ALDH7A1: variants seen among roughly 807,000 people sequenced by gnomAD.
ALDH7A1 encodes the protein aldehyde dehydrogenase 7 family member A1.
ALDH7A1 carries 63 observed loss-of-function variants against 79.9 expected under a neutral mutation model. The observed-to-expected ratio is 0.79, with a 90% CI of 0.64 to 0.97. ALDH7A1 has a LOEUF of 0.97. Ranked by LOEUF, ALDH7A1 falls within the 50% of genes least tolerant of loss-of-function variation. ALDH7A1 has a pLI of 0.00. For synonymous variants in ALDH7A1, 240 were observed against 231.2 expected, an observed-to-expected ratio of 1.04 and a Z score of -0.34; for missense variants, 627 against 665.2, an observed-to-expected ratio of 0.94 and a Z score of 0.63.
intron 11 of ALDH7A1, among the ~76,000 whole-genome samples, chr5:126,556,239 CTTTTTTTTTTTT>C (rs35367836): frequency 1.0e-5 from 1 of 97,934 alleles, no homozygotes. Context: ...TAAGCCATGT[CTTTTTTTTTTTT>C]TTTTTTTTTG....
At chr5:126,553,162 G>A (rs1182083451) in intron 13 of ALDH7A1, 2 of 152,096 alleles carry the variant, frequency 1.3e-5, no homozygotes, top group Non-Finnish European at 2.9e-5. Flanking sequence ...GTCTCCTACT[G>A]TACTTGAAAA....
intron 6 of ALDH7A1, among the ~76,000 whole-genome samples, chr5:126,576,162 C>T (rs1750958370): frequency 6.6e-6 from 1 of 150,726 alleles, no homozygotes; most frequent in Non-Finnish European, 1.5e-5. Context: ...ACTCGGGAGG[C>T]TGAGGCAGGA....
chr5:126,578,415 C>T (rs1280802208), intron 5 of ALDH7A1, among the ~76,000 whole-genome samples: 4 of 151,922 alleles, frequency 2.6e-5, no homozygotes, highest in Non-Finnish European at 4.4e-5. Flanking sequence ...GATGCTGGGA[C>T]GGGAGAATCA....
At chr5:126,590,884 T>TAA (rs76901782) in intron 3 of ALDH7A1, among the ~76,000 whole-genome samples, 1,245 of 121,946 alleles carry the variant, frequency 0.01, 20 homozygotes, top group African/African-American at 0.035. Flanking sequence ...GACCCTGTCT[T>TAA]AAAAAAAAAA....
At position 126,561,082 on chromosome 5, in the gene ALDH7A1, C is replaced by T; in HGVS notation, c.913+1G>A. On this transcript the variant is annotated splice_donor_variant, in intron 10 of 17. Transcript: ENST00000409134. LOFTEE classifies it high-confidence loss of function. ...AAACAAAAACAAAGAGGCAGCCTTACCAATAATGGCATTGTTTCCTCCAAG... is the reference window on the plus strand; with the variant it reads ...AAACAAAAACAAAGAGGCAGCCTTATCAATAATGGCATTGTTTCCTCCAAG... 1 of 1,613,312 alleles carries T rather than the reference C, an allele frequency of 6.2e-7. No homozygotes were observed.
chr5:126,547,503 C>T (rs1473128607), intron 16 of ALDH7A1, among the ~76,000 whole-genome samples: 2 of 152,180 alleles, frequency 1.3e-5, no homozygotes, highest in African/African-American at 4.8e-5. Context: ...CTGCAGGGCC[C>T]TCCCTGCCTC....
rs139186397 is a variant in ALDH7A1 at position 126,543,624 on chromosome 5, C to T, written c.*1341G>A. On this transcript the variant is annotated 3_prime_UTR_variant, in exon 18 of 18. Coordinates refer to ENST00000409134, the MANE Select transcript of ALDH7A1 (RefSeq NM_001182.5). ...TTTGCCATTTGTCCAGATCTCTCCA[C>T]ATCCTGATGGATCAGGTTGTCTACA... 2 of 152,320 alleles carry T rather than the reference C, an allele frequency of 1.3e-5. No homozygotes were observed. Among genetic ancestry groups the T allele is most frequent in the African/African-American group, 4.8e-5 (2 of 41,576 alleles). 9.4% of individuals were successfully genotyped at this position (152,320 alleles called of 1,614,324 possible).
Position 126,543,134 on chromosome 5 carries a change from A to G in ALDH7A1, c.*1831T>C, listed in dbSNP as rs1169473862. The G allele has an allele frequency of 6.6e-6, 1 of 152,236 alleles. No homozygotes were observed. Among genetic ancestry groups the G allele is most frequent in the Non-Finnish European group, 1.5e-5 (1 of 68,042 alleles). 9.4% of individuals were successfully genotyped at this position (152,236 alleles called of 1,614,324 possible). On this transcript the variant is annotated 3_prime_UTR_variant, in exon 18 of 18. Coordinates refer to ENST00000409134, the MANE Select transcript of ALDH7A1 (RefSeq NM_001182.5). ...CACCTTCAAATATAAGACCAGTAAT[A>G]ACACTTACAAATGTACATTTTAACT... is the stretch of plus-strand genomic sequence containing the variant.
At chr5:126,552,228 A>G (rs1750026482) in intron 13 of ALDH7A1, 91 bp from the exon 14 acceptor site, 1 of 917,820 alleles carries the variant, frequency 1.1e-6, no homozygotes, top group South Asian at 1.4e-5. Flanking sequence ...ACATTTATAA[A>G]GAAAAAAATT....
At chr5:126,557,970 C>A (rs926035539) in intron 11 of ALDH7A1, among the ~76,000 whole-genome samples, 2 of 151,884 alleles carry the variant, frequency 1.3e-5, no homozygotes, top group African/African-American at 4.8e-5. Flanking sequence ...GAGTTCAAGA[C>A]CAGCCTGGCC....
intron 13 of ALDH7A1, among the ~76,000 whole-genome samples, chr5:126,553,902 G>A (rs1750086092): frequency 6.6e-6 from 1 of 152,084 alleles, no homozygotes; most frequent in Non-Finnish European, 1.5e-5. Context: ...GAGGCCAGGA[G>A]TTAGAGACCA....
chr5:126,583,851 C>T, intron 4 of ALDH7A1, 81 bp downstream of exon 4: 1 of 1,240,442 alleles, frequency 8.1e-7, no homozygotes, highest in Non-Finnish European at 1.2e-6. Context: ...AAAAAAAAAC[C>T]TCACAATTTT....
intron 11 of ALDH7A1, 36 bp from the exon 12 acceptor site, chr5:126,556,051 T>A: frequency 7.2e-7 from 1 of 1,393,500 alleles, no homozygotes; most frequent in Non-Finnish European, 1.0e-6. Context: ...CATAGTATGA[T>A]AAATGCACAC....
At chr5:126,589,706 C>T (rs528084615) in intron 3 of ALDH7A1, among the ~76,000 whole-genome samples, 5 of 150,026 alleles carry the variant, frequency 3.3e-5, no homozygotes, top group African/African-American at 4.9e-5. Flanking sequence ...ATGTGAGGAG[C>T]GCCACTGCCC....
At chr5:126,574,810 T>C (rs1167102094) in intron 7 of ALDH7A1, among the ~76,000 whole-genome samples, 2 of 152,154 alleles carry the variant, frequency 1.3e-5, no homozygotes, top group South Asian at 2.1e-4. Flanking sequence ...ATGCAACCAA[T>C]GGAACATCAA....
rs1326052525 is a variant in ALDH7A1 at position 126,544,643 on chromosome 5, C to G, written c.*322G>C. 8.7e-6 allele frequency: 3 copies of G among 345,578 alleles called. No individual in the cohort carries two copies. Among genetic ancestry groups the G allele is most frequent in the Non-Finnish European group, 1.1e-5 (2 of 182,398 alleles). 21.4% of individuals were successfully genotyped at this position (345,578 alleles called of 1,614,324 possible). On this transcript the variant is annotated 3_prime_UTR_variant, in exon 18 of 18. Coordinates refer to ENST00000409134, the MANE Select transcript of ALDH7A1 (RefSeq NM_001182.5). ...GTTTTCTCCTCGGTTCTGTATTTTC[C>G]CAAATTCCTACCCTGGTACGTACTA...
Position 126,541,884 on chromosome 5 carries a change from G to A in ALDH7A1, c.*3081C>T, listed in dbSNP as rs969756877. 2.6e-5 allele frequency: 4 copies of A among 151,408 alleles called. No individual in the cohort carries two copies. Among genetic ancestry groups the A allele is most frequent in the African/African-American group, 9.7e-5 (4 of 41,126 alleles). The allele number at this position is 151,408 out of a possible 1,614,324, so 9.4% of individuals were successfully genotyped here. On this transcript the variant is annotated 3_prime_UTR_variant, in exon 18 of 18. Coordinates refer to ENST00000409134, the MANE Select transcript of ALDH7A1 (RefSeq NM_001182.5). ...TTTTATTTTTAAAAGGGAAATTAAC[G>A]TAGACAAATCGTAACATGTACCCCA... is the stretch of plus-strand genomic sequence containing the variant.
Position 126,544,620 on chromosome 5 carries a change from T to C in ALDH7A1, c.*345A>G, listed in dbSNP as rs1749723100. Reference sequence around the variant, plus strand: ...CTGTATCTACTGCAAAGACTTCTGTTTTCTCCTCGGTTCTGTATTTTCCCA... The same window carrying C: ...CTGTATCTACTGCAAAGACTTCTGTCTTCTCCTCGGTTCTGTATTTTCCCA... On this transcript the variant is annotated 3_prime_UTR_variant, in exon 18 of 18. Transcript: ENST00000409134. The C allele has an allele frequency of 3.1e-6, 1 of 320,570 alleles. No individual in the cohort carries two copies. The highest frequency in any genetic ancestry group is 6.0e-6 in the Non-Finnish European group (1 of 167,786). 19.9% of individuals were successfully genotyped at this position (320,570 alleles called of 1,614,324 possible). A position where few individuals can be genotyped will look rare whatever the true frequency, so the allele number is the denominator to read the frequency against.
intron 4 of ALDH7A1, among the ~76,000 whole-genome samples, chr5:126,583,568 G>A (rs1274270110): frequency 6.6e-6 from 1 of 151,402 alleles, no homozygotes; most frequent in African/African-American, 2.4e-5. Flanking sequence ...AAGTGTGGTG[G>A]CCCATGCCTA....
Sources: gnomAD v4.1 joint callset for allele counts (sites outside exome capture counted in the v4.1 genomes callset) on GRCh38, gnomAD v4.1.1 for gene constraint, MANE v1.5 for transcripts, NCBI Gene and HGNC (gene_info 2026-07-23, HGNC 2026-07-21) for gene names.